Variants in NIPSNAP1 observed in about 807,000 individuals in gnomAD.
The protein encoded by NIPSNAP1 is nipsnap homolog 1, also known as protein NipSnap homolog 1.
A neutral mutation model predicts 49.2 loss-of-function variants in NIPSNAP1; 25 were observed. The observed-to-expected ratio is 0.51, with a 90% CI of 0.37 to 0.71. The LOEUF (loss-of-function observed/expected upper bound fraction) is 0.71. Among genes scored for constraint, NIPSNAP1 ranks in the 30% least tolerant of loss-of-function variants. NIPSNAP1 has a pLI of 0.00. For synonymous variants in NIPSNAP1, 143 were observed against 140.7 expected (o/e 1.02, Z -0.12); for missense variants, 294 against 361.0 (o/e 0.81, Z 1.50).
At chr22:29,561,266 T>C in intron 6 of NIPSNAP1, 64 bp from the exon 7 acceptor site, 1 of 1,596,582 alleles carries the variant, frequency 6.3e-7, no homozygotes, top group South Asian at 1.1e-5. Context: ...CATCACAGCT[T>C]GGCAAGGAAG....
At chr22:29,564,758 T>G (rs1221598685) in intron 4 of NIPSNAP1, among the ~76,000 whole-genome samples, 1 of 152,162 alleles carries the variant, frequency 6.6e-6, no homozygotes, top group East Asian at 1.9e-4. Flanking sequence ...CCATAGGAGA[T>G]GGATCAATGG....
At position 29,581,071 on chromosome 22, in the gene NIPSNAP1, C is replaced by T. The variant is rs1293043371; in HGVS notation, c.12G>A (p.Arg4=). MAP[R]LCSISVTARR... is the part of the protein sequence containing the mutation. ...GCGCCGTCACAGAGATGCTGCACAG[C>T]CGCGGAGCCATGTTGGAGCCGCAAA... The change falls in exon 1 of 10, where the codon CGG becomes CGA. Residue 4 remains arginine, a synonymous_variant. Coordinates refer to ENST00000216121, the MANE Select transcript of NIPSNAP1 (RefSeq NM_003634.4). 3 of 1,541,674 alleles carry T rather than the reference C, an allele frequency of 1.9e-6. No homozygotes were observed. In the African/African-American group the frequency reaches 4.1e-5, roughly 21 times the overall value.
At chr22:29,558,238 G>C (rs1465753090) in intron 9 of NIPSNAP1, among the ~76,000 whole-genome samples, 4 of 152,200 alleles carry the variant, frequency 2.6e-5, no homozygotes, top group Admixed American at 1.3e-4. Flanking sequence ...GGGAGGCCGA[G>C]GCAGGCGGAT....
intron 1 of NIPSNAP1, among the ~76,000 whole-genome samples, chr22:29,579,185 G>A (rs920816699): frequency 2.0e-5 from 3 of 150,244 alleles, no homozygotes; most frequent in African/African-American, 7.5e-5. Context: ...TGATTCTCCT[G>A]CCTCAGCTTC....
chr22:29,572,128 C>T (rs902276964), intron 1 of NIPSNAP1, among the ~76,000 whole-genome samples: 5 of 151,710 alleles, frequency 3.3e-5, no homozygotes, highest in African/African-American at 1.2e-4. Flanking sequence ...CATGGCGAAA[C>T]CCTGTCTCTA....
chr22:29,558,299 G>A (rs955571375), intron 9 of NIPSNAP1, among the ~76,000 whole-genome samples: 4 of 151,664 alleles, frequency 2.6e-5, no homozygotes, highest in Admixed American at 6.6e-5. Context: ...ATAAAACCCC[G>A]TCTCTACTAA....
At position 29,556,489 on chromosome 22, in the gene NIPSNAP1, A is replaced by C. The variant is rs536580890; in HGVS notation, c.791-490T>G. ...CTGTGAGCCGAGATCAGGCCATTGC[A>C]CTCCAGCCTGGGCAACAAGAGCAAA... On this transcript the variant is annotated intron_variant, in intron 9 of 9. Coordinates refer to ENST00000216121, the MANE Select transcript of NIPSNAP1 (RefSeq NM_003634.4). Among the ~76,000 whole-genome samples, 12 of 151,878 alleles carry C rather than the reference A, an allele frequency of 7.9e-5. No homozygotes were observed. In the East Asian group the frequency reaches 2.0e-3, roughly 25 times the overall value.
intron 1 of NIPSNAP1, among the ~76,000 whole-genome samples, chr22:29,573,423 C>T (rs912738457): frequency 2.6e-5 from 4 of 151,692 alleles, no homozygotes; most frequent in African/African-American, 4.8e-5. Flanking sequence ...TCTGGGAGGC[C>T]GAGGCAGGCG....
chr22:29,578,414 C>T (rs1296583050), intron 1 of NIPSNAP1, among the ~76,000 whole-genome samples: 1 of 151,270 alleles, frequency 6.6e-6, no homozygotes, highest in Admixed American at 6.6e-5. Context: ...TCAAGCAATC[C>T]TCCCACCTTG....
rs2064422652 is a variant in NIPSNAP1, at chr22:29,573,024, GTTTGT to G, written c.99-2497_99-2493del. Among the ~76,000 whole-genome samples the G allele has an allele frequency of 2.6e-5, 4 of 151,302 alleles. No homozygotes were observed. The South Asian group carries it at 8.3e-4, about 31-fold the overall frequency. ...AAAAATAATCTTAAAGTGGTGATATGTTTGTTTTGTTTTGTTCATTTGTTTGTATT... is the reference window on the plus strand; with the variant it reads ...AAAAATAATCTTAAAGTGGTGATATGTTTGTTTTGTTCATTTGTTTGTATT... On this transcript the variant is annotated intron_variant, in intron 1 of 9. Coordinates refer to ENST00000216121, the MANE Select transcript of NIPSNAP1 (RefSeq NM_003634.4).
Position 29,565,935 on chromosome 22 carries a change from G to A in NIPSNAP1, c.367+3258C>T, listed in dbSNP as rs913251113. Among the ~76,000 whole-genome samples, 7 of 152,308 alleles carry A rather than the reference G, an allele frequency of 4.6e-5. 1 individual carries two copies. In the East Asian group the frequency reaches 1.3e-3, roughly 29 times the overall value. On this transcript the variant is annotated intron_variant, in intron 4 of 9. Transcript: ENST00000216121. The stretch of plus-strand genomic sequence containing the variant: ...TATTTTCAAAGACACGATTATCAGG[G>A]CTGTCAAAGGATGAAATAGATTGGC...
At chr22:29,580,577 C>T (rs2064490486) in intron 1 of NIPSNAP1, among the ~76,000 whole-genome samples, 1 of 152,112 alleles carries the variant, frequency 6.6e-6, no homozygotes, top group African/African-American at 2.4e-5. Flanking sequence ...CCCTGGGGAT[C>T]CCCCACTGCT....
intron 9 of NIPSNAP1, 23 bp from the exon 10 acceptor site, chr22:29,556,022 T>G (rs1569243941): frequency 6.5e-7 from 1 of 1,539,166 alleles, no homozygotes; most frequent in Non-Finnish European, 8.8e-7. Context: ...AAGGCAGAGG[T>G]CACACAGGGG....
In NIPSNAP1 at chr22:29,569,265, G is replaced by A; in HGVS notation, c.295C>T (p.His99Tyr). ...GAGCATGGGTAGTCCTCATCCAGGT[G>A]AAGCTTGGGCAGCACAGCCTCCCTG... ...SLTEAVLPKL[H>Y]LDEDYPCSLV... The change falls in exon 4 of 10, where the codon CAC becomes TAC. Residue 99 changes from histidine (H) to tyrosine (Y), a missense_variant. Physicochemically the swap from His to Tyr is moderately conservative, Grantham distance 83. Around this residue, in one of 4 missense-constraint regions of NIPSNAP1, gnomAD observed 55 missense variants for 46.2 expected, o/e 1.19. Coordinates refer to ENST00000216121, the MANE Select transcript of NIPSNAP1 (RefSeq NM_003634.4). 6.2e-7 allele frequency: 1 copy of A among 1,614,024 alleles called. No individual in the cohort carries two copies. The highest frequency in any genetic ancestry group is 8.5e-7 in the Non-Finnish European group (1 of 1,179,966).
intron 4 of NIPSNAP1, 82 bp downstream of exon 4, chr22:29,569,111 G>T: frequency 9.5e-7 from 1 of 1,048,230 alleles, no homozygotes; most frequent in Non-Finnish European, 1.5e-6. Context: ...TGTGGAGAGG[G>T]AGTGGAGAAC....
chr22:29,564,959 G>A (rs2064359430), intron 4 of NIPSNAP1, among the ~76,000 whole-genome samples: 1 of 151,982 alleles, frequency 6.6e-6, no homozygotes, highest in Non-Finnish European at 1.5e-5. Context: ...GCTGAGGCAG[G>A]AGAGGAGCAC....
At chr22:29,579,063 T>C (rs1417572469) in intron 1 of NIPSNAP1, among the ~76,000 whole-genome samples, 1 of 151,062 alleles carries the variant, frequency 6.6e-6, no homozygotes, top group Admixed American at 6.6e-5. Context: ...TGCTAGACAC[T>C]TCACAACCAC....
At chr22:29,579,259 C>T (rs949802439) in intron 1 of NIPSNAP1, among the ~76,000 whole-genome samples, 6 of 142,380 alleles carry the variant, frequency 4.2e-5, no homozygotes, top group East Asian at 2.0e-4. Context: ...AGTAGAGACA[C>T]GTTTTCACCA....
chr22:29,571,806 G>A (rs1569248450), intron 1 of NIPSNAP1, among the ~76,000 whole-genome samples: 2 of 150,692 alleles, frequency 1.3e-5, no homozygotes, highest in Non-Finnish European at 3.0e-5. Context: ...ACAGAGTCTT[G>A]CTCTTGTTGC....
Sources: allele counts gnomAD v4.1 joint callset (sites outside exome capture counted in the v4.1 genomes callset), GRCh38; gene constraint gnomAD v4.1.1; regional missense constraint gnomAD v4.1.1; transcripts MANE v1.5; gene names NCBI Gene and HGNC (gene_info 2026-07-23, HGNC 2026-07-21).